ZNF532: variants seen among roughly 807,000 people sequenced by gnomAD.
ZNF532 encodes zinc finger protein 532.
ZNF532 carries 22 observed loss-of-function variants against 89.3 expected under a neutral mutation model. That is an observed-to-expected ratio of 0.25 (90% CI 0.18 to 0.35). ZNF532 has a LOEUF of 0.35. ZNF532 is among the 10% of genes least tolerant of loss of function. The pLI is 1.00. For missense variants in ZNF532, 1,132 were observed against 1,643.4 expected (o/e 0.69, Z 5.38); for synonymous variants, 606 against 649.6 (o/e 0.93, Z 1.02).
At chr18:58,877,303 GGTCCTTGGGTGAAGCT>G (rs1316013909) in intron 2 of ZNF532, among the ~76,000 whole-genome samples, 11 of 152,148 alleles carry the variant, frequency 7.2e-5, no homozygotes, top group Non-Finnish European at 1.5e-4. Context: ...GCCTCCATTG[GGTCCTTGGGTGAAGCT>G]GTCCTGGGGA....
intron 2 of ZNF532, among the ~76,000 whole-genome samples, chr18:58,907,713 AG>A (rs1243186422): frequency 6.6e-6 from 1 of 152,152 alleles, no homozygotes. Flanking sequence ...TCTGCCTCCC[AG>A]GTCCTGACGT....
At chr18:58,966,556 A>G (rs2065928904) in intron 7 of ZNF532, among the ~76,000 whole-genome samples, 1 of 152,184 alleles carries the variant, frequency 6.6e-6, no homozygotes, top group Non-Finnish European at 1.5e-5. Context: ...CTAAATTGAA[A>G]GAAAATGAAA....
chr18:58,956,314 C>A (rs1424219260), intron 7 of ZNF532, among the ~76,000 whole-genome samples: 1 of 152,138 alleles, frequency 6.6e-6, no homozygotes, highest in Non-Finnish European at 1.5e-5. Flanking sequence ...GGAGTTGAGG[C>A]CCTGCCTTTG....
At chr18:58,901,077 T>A in intron 2 of ZNF532, among the ~76,000 whole-genome samples, 1 of 152,200 alleles carries the variant, frequency 6.6e-6, no homozygotes, top group East Asian at 1.9e-4. Context: ...TCTGCCTGTT[T>A]CTATTTCTAC....
intron 5 of ZNF532, among the ~76,000 whole-genome samples, chr18:58,944,659 T>C (rs2063501873): frequency 6.6e-6 from 1 of 152,136 alleles, no homozygotes; most frequent in Non-Finnish European, 1.5e-5. Flanking sequence ...CTGGGGATTT[T>C]CCATTTTCAT....
chr18:58,957,311 C>T (rs2064873811), intron 7 of ZNF532, among the ~76,000 whole-genome samples: 1 of 151,398 alleles, frequency 6.6e-6, no homozygotes, highest in Non-Finnish European at 1.5e-5. Context: ...TTGGATTACC[C>T]AATGAAATAT....
At chr18:58,982,166 A>T (rs947206621) in intron 9 of ZNF532, among the ~76,000 whole-genome samples, 2 of 149,258 alleles carry the variant, frequency 1.3e-5, no homozygotes, top group Admixed American at 6.7e-5. Context: ...TTAGCCAGGC[A>T]TGATGGCAGG....
rs142790707 is a variant in ZNF532, at chr18:58,911,237, A to G, written c.-17-7034A>G. On this transcript the variant is annotated intron_variant, in intron 2 of 9. Transcript: ENST00000591808. ...ATGCCACTAGGCAAATGGGATAGGAATTACCCAAAATAGAAGGGACAGACC... is the reference window on the plus strand; with the variant it reads ...ATGCCACTAGGCAAATGGGATAGGAGTTACCCAAAATAGAAGGGACAGACC... Among the ~76,000 whole-genome samples the G allele has an allele frequency of 2.6e-5, 4 of 152,374 alleles. No homozygotes were observed. In the East Asian group the frequency reaches 7.7e-4, roughly 29 times the overall value.
intron 7 of ZNF532, among the ~76,000 whole-genome samples, chr18:58,955,100 AAGCCTTGTC>A (rs1403192058): frequency 6.6e-6 from 1 of 152,144 alleles, no homozygotes. Flanking sequence ...TTTTTTAGGT[AAGCCTTGTC>A]AGCTGGGCAT....
intron 3 of ZNF532, 101 bp downstream of exon 3, chr18:58,920,734 ACGTG>A: frequency 2.1e-6 from 1 of 487,018 alleles, no homozygotes; most frequent in Non-Finnish European, 3.3e-6. Flanking sequence ...AGTGAAATGG[ACGTG>A]TGTGTGTGTG....
At chr18:58,881,362 CT>C (rs1275683538) in intron 2 of ZNF532, among the ~76,000 whole-genome samples, 21 of 152,134 alleles carry the variant, frequency 1.4e-4, no homozygotes, top group Admixed American at 2.6e-4. Flanking sequence ...TCTTGAACTC[CT>C]GACCTCAGCT....
chr18:58,897,800 A>G (rs2059344918), intron 2 of ZNF532, among the ~76,000 whole-genome samples: 1 of 152,170 alleles, frequency 6.6e-6, no homozygotes, highest in African/African-American at 2.4e-5. Flanking sequence ...TAAAAATATG[A>G]AAATTAGCCA....
At chr18:58,973,964 G>T (rs1172377143) in intron 7 of ZNF532, among the ~76,000 whole-genome samples, 1 of 152,156 alleles carries the variant, frequency 6.6e-6, no homozygotes, top group Non-Finnish European at 1.5e-5. Flanking sequence ...CAAATCCCTG[G>T]CTGCTAAGAG....
intron 9 of ZNF532, among the ~76,000 whole-genome samples, chr18:58,981,840 T>G (rs996095943): frequency 6.6e-6 from 1 of 151,582 alleles, no homozygotes; most frequent in Non-Finnish European, 1.5e-5. Flanking sequence ...TCATCTCTAC[T>G]AAAAATATAA....
intron 2 of ZNF532, among the ~76,000 whole-genome samples, chr18:58,904,499 G>A (rs1264175885): frequency 6.6e-6 from 1 of 152,084 alleles, no homozygotes; most frequent in Non-Finnish European, 1.5e-5. Context: ...TTTTAGAATT[G>A]AAACCCCAGT....
At chr18:58,910,579 G>A (rs567908205) in intron 2 of ZNF532, among the ~76,000 whole-genome samples, 49 of 151,944 alleles carry the variant, frequency 3.2e-4, no homozygotes, top group African/African-American at 1.1e-3. Flanking sequence ...CGATTTTGCC[G>A]CTTCAGCCTC....
In ZNF532 at chr18:58,985,373, T is replaced by G. The variant is rs1423887703; in HGVS notation, c.*907T>G. ...TAACTAACTATTACAGAAACACAGC[T>G]AAGAATATCAAGTATTTCTCTGGCT... On this transcript the variant is annotated 3_prime_UTR_variant, in exon 10 of 10. Transcript: ENST00000591808. 1 of 152,668 alleles carries G rather than the reference T, an allele frequency of 6.6e-6. No homozygotes were observed. The allele number at this position is 152,668 out of a possible 1,614,324, so 9.5% of individuals were successfully genotyped here.
At chr18:58,924,938 T>A (rs1435262000) in intron 3 of ZNF532, among the ~76,000 whole-genome samples, 2 of 152,258 alleles carry the variant, frequency 1.3e-5, no homozygotes, top group Non-Finnish European at 2.9e-5. Context: ...GGTTGTTGCG[T>A]ATATCAATAG....
intron 9 of ZNF532, among the ~76,000 whole-genome samples, 175 bp downstream of exon 9, chr18:58,981,792 C>T (rs1309328320): frequency 6.6e-6 from 1 of 152,050 alleles, no homozygotes; most frequent in Non-Finnish European, 1.5e-5. Context: ...ATCACGAGTT[C>T]AGGAGTTCAA....
Sources: gnomAD v4.1 joint callset for allele counts (sites outside exome capture counted in the v4.1 genomes callset) on GRCh38, gnomAD v4.1.1 for gene constraint, MANE v1.5 for transcripts, NCBI Gene and HGNC (gene_info 2026-07-23, HGNC 2026-07-21) for gene names.